PTMA: variants seen among roughly 807,000 people sequenced by gnomAD.
PTMA encodes the protein prothymosin alpha, also known as gene sequence 28.
In PTMA, 4 loss-of-function variants were observed where a neutral mutation model predicts 16.9. The observed-to-expected ratio is 0.24, with a 90% confidence interval of 0.12 to 0.54. The LOEUF is 0.54. Ranked by LOEUF, PTMA falls within the 20% of genes least tolerant of loss-of-function variation. PTMA has a pLI of 0.95. For missense variants in PTMA, 120 were observed against 137.7 expected, an observed-to-expected ratio of 0.87 and a Z score of 0.64; for synonymous variants, 58 against 47.9, an observed-to-expected ratio of 1.21 and a Z score of -0.87.
chr2:231,710,280 C>G (rs764116489), intron 1 of PTMA: 1 of 1,297,230 alleles, frequency 7.7e-7, no homozygotes, highest in East Asian at 3.0e-5. Flanking sequence ...CAAGCTCTGC[C>G]TGCCGGCCGG....
In PTMA at chr2:231,708,577, C is replaced by A. The variant is rs11558929; in HGVS notation, c.-130C>A. The A allele has an allele frequency of 9.8e-6, 11 of 1,120,598 alleles. No homozygotes were observed. Among genetic ancestry groups the A allele is most frequent in the African/African-American group, 1.5e-5 (1 of 64,910 alleles). 69.4% of individuals were successfully genotyped at this position (1,120,598 alleles called of 1,614,324 possible). A position where few individuals can be genotyped will look rare whatever the true frequency, so the allele number is the denominator to read the frequency against. Reference sequence around the variant, plus strand: ...CTTTGCATTGTTCCTCATCCGCCTCCTTGCTCGCCGCAGCCGCCTCCGCCG... The same window carrying A: ...CTTTGCATTGTTCCTCATCCGCCTCATTGCTCGCCGCAGCCGCCTCCGCCG... On this transcript the variant is annotated 5_prime_UTR_variant, in exon 1 of 5. Transcript: ENST00000409115.
intron 1 of PTMA, chr2:231,710,276 C>T (rs775627138): frequency 3.3e-5 from 43 of 1,303,272 alleles, no homozygotes; most frequent in Non-Finnish European, 4.0e-5. Flanking sequence ...ACTGCAAGCT[C>T]TGCCTGCCGG....
In PTMA at chr2:231,711,489, A is replaced by G. The variant is rs752377350; in HGVS notation, c.117+70A>G. 460 of 1,392,314 alleles carry G rather than the reference A, an allele frequency of 3.3e-4. 1 individual carries two copies. Among genetic ancestry groups the G allele is most frequent in the Non-Finnish European group, 4.2e-4 (408 of 980,756 alleles). 86.2% of individuals were successfully genotyped at this position (1,392,314 alleles called of 1,614,324 possible). On this transcript the variant is annotated intron_variant, in intron 2 of 4. Coordinates refer to ENST00000409115, the MANE Select transcript of PTMA (RefSeq NM_002823.5). ...CAAAATTTTTCCTGTTCTACTTTAAACATACCTATATATGTGTGTGTATGT... is the reference window on the plus strand; with the variant it reads ...CAAAATTTTTCCTGTTCTACTTTAAGCATACCTATATATGTGTGTGTATGT...
rs1196563095 is a variant in PTMA, at chr2:231,712,505, G to A, written c.274G>A (p.Glu92Lys). Residue 92 changes from glutamate to lysine, a missense_variant, in exon 4 of 5, where the codon GAA becomes AAA. Glu to Lys is a moderately conservative substitution (Grantham distance 56). Transcript: ENST00000409115. ...AESATGKRAA[E>K]DDEDDDVDTK... ...GTCAGCTACGGGCAAGCGGGCAGCT[G>A]AAGATGATGAGGTGGGTTCTGGCTT... The A allele has an allele frequency of 6.2e-7, 1 of 1,614,180 alleles. No individual in the cohort carries two copies. Among genetic ancestry groups the A allele is most frequent in the Non-Finnish European group, 8.5e-7 (1 of 1,180,018 alleles).
At chr2:231,709,681 TGC>T (rs2048490971) in intron 1 of PTMA, 1 of 152,564 alleles carries the variant, frequency 6.6e-6, no homozygotes, top group African/African-American at 2.4e-5. Context: ...TATGAGGTCC[TGC>T]GCGGCTGGTG....
At chr2:231,709,784 C>G (rs568889955) in intron 1 of PTMA, 1 of 162,022 alleles carries the variant, frequency 6.2e-6, no homozygotes, top group Non-Finnish European at 1.3e-5. Context: ...CGCTCTCAGA[C>G]TGACTGGCTC....
intron 1 of PTMA, chr2:231,710,329 C>T: frequency 4.9e-6 from 6 of 1,228,602 alleles, no homozygotes; most frequent in Non-Finnish European, 6.1e-6. Context: ...CGGCCCCGGG[C>T]CACGTGCTCC....
At chr2:231,710,223 A>G in intron 1 of PTMA, 1 of 1,343,964 alleles carries the variant, frequency 7.4e-7, no homozygotes, top group South Asian at 2.0e-5. Flanking sequence ...TGGGGCGTCG[A>G]GTCGAGAGCC....
chr2:231,711,294 C>T (rs565502237), intron 1 of PTMA, 54 bp from the exon 2 acceptor site: 3 of 1,488,524 alleles, frequency 2.0e-6, no homozygotes, highest in African/African-American at 2.8e-5. Context: ...CCTTTGCTTA[C>T]CCTGGGTTGC....
Position 231,711,659 on chromosome 2 carries a change from T to G in PTMA, c.118-231T>G, listed in dbSNP as rs2048520217. The G allele has an allele frequency of 3.7e-6, 3 of 809,268 alleles. No individual in the cohort carries two copies. The African/African-American group carries it at 5.2e-5, about 14-fold the overall frequency. The allele number at this position is 809,268 out of a possible 1,614,324, so 50.1% of individuals were successfully genotyped here. A position where few individuals can be genotyped will look rare whatever the true frequency, so the allele number is the denominator to read the frequency against. ...TCAGAGGAGACTCCGGTAGTCTGAG[T>G]TTGGGCTTGGCCCAGGGTGGGGAAA... On this transcript the variant is annotated intron_variant, in intron 2 of 4. Transcript: ENST00000409115.
At chr2:231,710,124 A>AT in intron 1 of PTMA, 1 of 1,246,296 alleles carries the variant, frequency 8.0e-7, no homozygotes. Flanking sequence ...ACAGTCTCGG[A>AT]CCTACGCAGC....
Position 231,711,431 on chromosome 2 carries a change from C to G in PTMA, c.117+12C>G. On this transcript the variant is annotated intron_variant, in intron 2 of 4. Transcript: ENST00000409115. ...CTAACGGGAATGCTGTGAGTGTCTG[C>G]TTTGCTCCTGAGCCCTGGCAGCTAC... 6.2e-7 allele frequency: 1 copy of G among 1,613,838 alleles called. No individual in the cohort carries two copies. The highest frequency in any genetic ancestry group is 8.5e-7 in the Non-Finnish European group (1 of 1,179,688).
At chr2:231,710,328 G>A (rs777696091) in intron 1 of PTMA, 1 of 1,230,904 alleles carries the variant, frequency 8.1e-7, no homozygotes, top group East Asian at 3.2e-5. Context: ...GCGGCCCCGG[G>A]CCACGTGCTC....
At chr2:231,712,567 C>T in intron 4 of PTMA, 51 bp downstream of exon 4, 5 of 1,572,070 alleles carry the variant, frequency 3.2e-6, no homozygotes, top group Non-Finnish European at 4.4e-6. Context: ...GTCTCCCCAC[C>T]TGCCTTTAGC....
chr2:231,711,990 A>T lies in PTMA; in HGVS notation c.211+7A>T. ...GAGGAAGAAGAAGGTGATGGTGAGT[A>T]GCCTTGTCTATCTTCCCCTTTTCAG... is the stretch of plus-strand genomic sequence containing the variant. On this transcript the variant is annotated splice_region_variant and intron_variant, in intron 3 of 4. Coordinates refer to ENST00000409115, the MANE Select transcript of PTMA (RefSeq NM_002823.5). The T allele has an allele frequency of 6.4e-7, 1 of 1,560,878 alleles. No individual in the cohort carries two copies. Among genetic ancestry groups the T allele is most frequent in the Non-Finnish European group, 8.7e-7 (1 of 1,152,042 alleles).
Position 231,708,599 on chromosome 2 carries a change from G to T in PTMA, c.-108G>T. On this transcript the variant is annotated 5_prime_UTR_variant, in exon 1 of 5. Transcript: ENST00000409115. ...CTCCTTGCTCGCCGCAGCCGCCTCCGCCGCGCGCCTCCTCCGCCGCCGCGG... is the reference window on the plus strand; with the variant it reads ...CTCCTTGCTCGCCGCAGCCGCCTCCTCCGCGCGCCTCCTCCGCCGCCGCGG... 7.0e-7 allele frequency: 1 copy of T among 1,431,904 alleles called. No individual in the cohort carries two copies. Among genetic ancestry groups the T allele is most frequent in the Non-Finnish European group, 9.7e-7 (1 of 1,033,498 alleles). The allele number at this position is 1,431,904 out of a possible 1,614,324, so 88.7% of individuals were successfully genotyped here.
rs973222185 is a variant in PTMA, at chr2:231,708,660, T to C, written c.-47T>C. On this transcript the variant is annotated 5_prime_UTR_variant, in exon 1 of 5. Coordinates refer to ENST00000409115, the MANE Select transcript of PTMA (RefSeq NM_002823.5). ...CTTTATCGCCAGAGTCCCTGAACTC[T>C]CGCTTTCTTTTTAATCCCCTGCATC... The C allele has an allele frequency of 6.9e-6, 11 of 1,598,190 alleles. No homozygotes were observed. The highest frequency in any genetic ancestry group is 9.3e-6 in the Non-Finnish European group (11 of 1,178,640).
At chr2:231,710,554 G>A in intron 1 of PTMA, 2 of 638,142 alleles carry the variant, frequency 3.1e-6, no homozygotes, top group Non-Finnish European at 5.2e-6. Flanking sequence ...AGCGGCCGAG[G>A]GGTTCCCGCA....
chr2:231,708,981 T>C (rs1309079813), intron 1 of PTMA, among the ~76,000 whole-genome samples: 1 of 151,886 alleles, frequency 6.6e-6, no homozygotes, highest in Non-Finnish European at 1.5e-5. Context: ...CCGGGCGCCC[T>C]CGGGGGCCGA....
Sources: allele counts gnomAD v4.1 joint callset (sites outside exome capture counted in the v4.1 genomes callset), GRCh38; gene constraint gnomAD v4.1.1; transcripts MANE v1.5; gene names NCBI Gene and HGNC (gene_info 2026-07-23, HGNC 2026-07-21).